The following POM121L2 variants were observed in gnomAD, a reference collection of about 807,000 sequenced individuals.
POM121L2 encodes the protein POM121 transmembrane nucleoporin like 2, also known as POM121-like protein 2.
For synonymous variants in POM121L2, 459 were observed against 483.8 expected, an observed-to-expected ratio of 0.95 and a Z score of 0.67; for missense variants, 1,167 against 1,260.3, an observed-to-expected ratio of 0.93 and a Z score of 1.12.
rs542468240 is a variant in POM121L2 at position 27,310,199 on chromosome 6, C to A, written c.1972G>T (p.Val658Phe). ...AGGAAAGTGTCGCAAGTGGAAGGGA[C>A]AGAATAAGTGTTGCCTACGGCACTG... ...VTSAVGNTYSVPSTCDTFLLG... is the reference protein window; with the variant it reads ...VTSAVGNTYSFPSTCDTFLLG... The change falls in exon 1 of 1, where the codon GTC becomes TTC. Residue 658 changes from valine to phenylalanine, a missense_variant. Physicochemically the swap from Val to Phe is conservative, Grantham distance 50. Transcript: ENST00000444565. 3 of 1,552,228 alleles carry A rather than the reference C, an allele frequency of 1.9e-6. No homozygotes were observed. Among genetic ancestry groups the A allele is most frequent in the East Asian group, 2.4e-5 (1 of 40,914 alleles).
chr6:27,310,954 T>C lies in POM121L2; in HGVS notation c.1217A>G (p.Glu406Gly). ...AGACTTCTGCATTTTTCTTAAGTTT[T>C]CCAACTGAGGATTTGCTCCCTGGGT... is the stretch of plus-strand genomic sequence containing the variant. ...DLTQGANPQL[E>G]NLRKMQKSLG... The change falls in exon 1 of 1, where the codon GAA becomes GGA. Residue 406 changes from glutamate to glycine, a missense_variant. Transcript: ENST00000444565. The C allele has an allele frequency of 6.4e-7, 1 of 1,552,062 alleles. No homozygotes were observed.
chr6:27,311,300 T>C lies in POM121L2; in HGVS notation c.871A>G (p.Ser291Gly). The C allele has an allele frequency of 6.4e-7, 1 of 1,551,282 alleles. No individual in the cohort carries two copies. ...ACTGGAGAGGAAGGCCGATGACAAC[T>C]TTTTTCCTTTTTTATTGGCCACTCT... ...TPEWPIKKEK[S>G]CHRPSSPVPL... The change falls in exon 1 of 1, where the codon AGT becomes GGT. Residue 291 changes from serine to glycine, a missense_variant. Transcript: ENST00000444565.
Position 27,308,689 on chromosome 6 carries a change from A to C in POM121L2, c.*374T>G, listed in dbSNP as rs1760702307. Among the ~76,000 whole-genome samples, 2 of 152,358 alleles carry C rather than the reference A, an allele frequency of 1.3e-5. No homozygotes were observed. Among genetic ancestry groups the C allele is most frequent in the South Asian group, 4.1e-4 (2 of 4,834 alleles). On this transcript the variant is annotated 3_prime_UTR_variant, in exon 1 of 1. Coordinates refer to ENST00000444565, the MANE Select transcript of POM121L2 (RefSeq NM_033482.4). ...AGAGAACATGTTAGTGTTTACCAGC[A>C]GTAGGGATGGCAGGATGTACGAAAA...
Position 27,311,178 on chromosome 6 carries a change from C to T in POM121L2, c.993G>A (p.Leu331=), listed in dbSNP as rs781279320. 13 of 1,551,942 alleles carry T rather than the reference C, an allele frequency of 8.4e-6. No homozygotes were observed. The East Asian group carries it at 2.7e-4, about 32-fold the overall frequency. The change falls in exon 1 of 1, where the codon CTG becomes CTA. Residue 331 remains leucine (L), a synonymous_variant. Coordinates refer to ENST00000444565, the MANE Select transcript of POM121L2 (RefSeq NM_033482.4). ...GCTGGGGAGGTGGGATCTCTGACAC[C>T]AGGTTCTCAGGGCTAGACGGCAGCT... ...IPQLPSSPEN[L]VSEIPPPQLG...
Position 27,309,783 on chromosome 6 carries a change from A to G in POM121L2, c.2388T>C (p.Ser796=), listed in dbSNP as rs1322091160. 1.3e-6 allele frequency: 2 copies of G among 1,551,566 alleles called. No homozygotes were observed. The highest frequency in any genetic ancestry group is 2.4e-5 in the South Asian group (2 of 84,060). Residue 796 remains serine (S), a synonymous_variant, in exon 1 of 1, where the codon AGT becomes AGC. Coordinates refer to ENST00000444565, the MANE Select transcript of POM121L2 (RefSeq NM_033482.4). The stretch of plus-strand genomic sequence containing the variant: ...CTGAGCTCCCAAAAAGAAAAGAACT[A>G]CTGACACTTGGCATAAGGGCTGGCT... ...PSQPALMPSV[S]SSFLFGSSAV... is the part of the protein sequence containing the mutation.
chr6:27,311,855 A>G lies in POM121L2; in HGVS notation c.316T>C (p.Trp106Arg). 6.4e-7 allele frequency: 1 copy of G among 1,551,772 alleles called. No individual in the cohort carries two copies. The highest frequency in any genetic ancestry group is 8.7e-7 in the Non-Finnish European group (1 of 1,147,012). ...ATTGGCCTGGGATGTCGAAGAGACC[A>G]AATAGTCCGCTTTAAGTAACTTTCC... The part of the protein sequence containing the change: ...WWESYLKRTI[W>R]SLRHPRPIWS... The change falls in exon 1 of 1, where the codon TGG (tryptophan) becomes CGG (arginine). Residue 106 changes from tryptophan to arginine, a missense_variant. Physicochemically the swap from Trp to Arg is moderately radical, Grantham distance 101. Coordinates refer to ENST00000444565, the MANE Select transcript of POM121L2 (RefSeq NM_033482.4).
rs147444509 is a variant in POM121L2, at chr6:27,310,940, T to G, written c.1231A>C (p.Met411Leu). ...ANPQLENLRK[M>L]QKSLGPLASP... ...GCCAGTGGACCTAGAGACTTCTGCA[T>G]TTTTCTTAAGTTTTCCAACTGAGGA... Residue 411 changes from methionine to leucine, a missense_variant, in exon 1 of 1, where the codon ATG becomes CTG. Physicochemically the swap from Met to Leu is conservative, Grantham distance 15. Transcript: ENST00000444565. The G allele has an allele frequency of 1.3e-6, 2 of 1,551,988 alleles. No individual in the cohort carries two copies. The highest frequency in any genetic ancestry group is 2.7e-5 in the African/African-American group (2 of 73,150).
Position 27,309,182 on chromosome 6 carries a change from A to G in POM121L2, c.2989T>C (p.Ser997Pro). 1 of 1,551,756 alleles carries G rather than the reference A, an allele frequency of 6.4e-7. No homozygotes were observed. The highest frequency in any genetic ancestry group is 1.2e-5 in the South Asian group (1 of 84,062). Residue 997 changes from serine (S) to proline (P), a missense_variant, in exon 1 of 1, where the codon TCT (serine) becomes CCT (proline). Coordinates refer to ENST00000444565, the MANE Select transcript of POM121L2 (RefSeq NM_033482.4). ...GATCTAAAAGGTCCTCTCCCAACAG[A>G]GCCCTGGGCAGGTGGAAAAGGCATC... ...FGMPFPPAQG[S>P]VGRGPFRSSA...
Position 27,312,185 on chromosome 6 carries a change from C to T in POM121L2, c.-15G>A. 2 of 1,419,428 alleles carry T rather than the reference C, an allele frequency of 1.4e-6. No individual in the cohort carries two copies. Among genetic ancestry groups the T allele is most frequent in the Admixed American group, 5.7e-5 (2 of 34,874 alleles). 87.9% of individuals were successfully genotyped at this position (1,419,428 alleles called of 1,614,324 possible). On this transcript the variant is annotated 5_prime_UTR_variant, in exon 1 of 1. Transcript: ENST00000444565. This position sits in a 1 kb window ranked among gnomAD's most constrained non-coding sequence, Gnocchi z 6.7. ...AAACTGCCCATGAGGAGAGATGAGG[C>T]GCGGGCAGTGAGTTCAAGCACGGTT... is the stretch of plus-strand genomic sequence containing the variant.
At position 27,310,047 on chromosome 6, in the gene POM121L2, A is replaced by G. The variant is rs757583483; in HGVS notation, c.2124T>C (p.Ser708=). The G allele has an allele frequency of 9.7e-6, 15 of 1,552,154 alleles. No homozygotes were observed. The African/African-American group carries it at 1.9e-4, about 20-fold the overall frequency. Reference sequence around the variant, plus strand: ...TGCTTCTAGGGGATATCTGTACAACACTGGAAAGGACCTGGGTAAACATGG... The same window carrying G: ...TGCTTCTAGGGGATATCTGTACAACGCTGGAAAGGACCTGGGTAAACATGG... ...TVTMFTQVLS[S]VVQISPRSST... is the part of the protein sequence containing the mutation. Residue 708 remains serine, a synonymous_variant, in exon 1 of 1, where the codon AGT becomes AGC. Coordinates refer to ENST00000444565, the MANE Select transcript of POM121L2 (RefSeq NM_033482.4).
rs1274553691 is a variant in POM121L2 at position 27,308,822 on chromosome 6, G to A, written c.*241C>T. Among the ~76,000 whole-genome samples, 2 of 152,178 alleles carry A rather than the reference G, an allele frequency of 1.3e-5. No individual in the cohort carries two copies. The highest frequency in any genetic ancestry group is 2.9e-5 in the Non-Finnish European group (2 of 68,032). On this transcript the variant is annotated 3_prime_UTR_variant, in exon 1 of 1. Transcript: ENST00000444565. ...CACAGAGAAGAGTGGACAGGAAGGGGAAGGCGAGGTTCTGTTCAAGTCCAA... is the reference window on the plus strand; with the variant it reads ...CACAGAGAAGAGTGGACAGGAAGGGAAAGGCGAGGTTCTGTTCAAGTCCAA...
In POM121L2 at chr6:27,311,224, T is replaced by C; in HGVS notation, c.947A>G (p.Gln316Arg). Residue 316 changes from glutamine to arginine, a missense_variant, in exon 1 of 1, where the codon CAG (glutamine) becomes CGG (arginine). By Grantham distance (43) the Gln-to-Arg change is conservative (BLOSUM62 1). Transcript: ENST00000444565. ...ESLGGSESSG[Q>R]QNQKIPQLPS... ...CAGCTGTGGAATCTTCTGGTTTTGCTGCCCAGAACTTTCAGATCCTCCTAG... is the reference window on the plus strand; with the variant it reads ...CAGCTGTGGAATCTTCTGGTTTTGCCGCCCAGAACTTTCAGATCCTCCTAG... 1 of 1,551,928 alleles carries C rather than the reference T, an allele frequency of 6.4e-7. No homozygotes were observed. Among genetic ancestry groups the C allele is most frequent in the Non-Finnish European group, 8.7e-7 (1 of 1,147,060 alleles).
chr6:27,309,386 T>C lies in POM121L2; in HGVS notation c.2785A>G (p.Thr929Ala). 1 of 1,551,650 alleles carries C rather than the reference T, an allele frequency of 6.4e-7. No individual in the cohort carries two copies. Among genetic ancestry groups the C allele is most frequent in the Non-Finnish European group, 8.7e-7 (1 of 1,146,950 alleles). ...TTTCCAAAGGGGATCATGGTGTTAG[T>C]GGTCCCACTAGGCAATGCTCCAATG... ...FSIGALPSGT[T>A]NTMIPFGKGW... Residue 929 changes from threonine (T) to alanine (A), a missense_variant, in exon 1 of 1, where the codon ACT becomes GCT. Physicochemically the swap from Thr to Ala is moderately conservative, Grantham distance 58. Transcript: ENST00000444565.
Position 27,309,700 on chromosome 6 carries a change from G to A in POM121L2, c.2471C>T (p.Thr824Ile), listed in dbSNP as rs1476330511. The change falls in exon 1 of 1, where the codon ACA (threonine) becomes ATA (isoleucine). Residue 824 changes from threonine (T) to isoleucine (I), a missense_variant. Coordinates refer to ENST00000444565, the MANE Select transcript of POM121L2 (RefSeq NM_033482.4). ...TPAQPAFIST[T>I]QSALGCLTPS... ...TGTCAAACACCCCAAGGCTGACTGT[G>A]TGGTACTAATGAAGGCTGGCTGAGC... 2 of 1,551,656 alleles carry A rather than the reference G, an allele frequency of 1.3e-6. No individual in the cohort carries two copies. The highest frequency in any genetic ancestry group is 8.7e-7 in the Non-Finnish European group (1 of 1,147,022).
Position 27,308,995 on chromosome 6 carries a change from A to G in POM121L2, c.*68T>C. 1 of 1,204,990 alleles carries G rather than the reference A, an allele frequency of 8.3e-7. No homozygotes were observed. The highest frequency in any genetic ancestry group is 1.1e-6 in the Non-Finnish European group (1 of 872,924). 74.6% of individuals were successfully genotyped at this position (1,204,990 alleles called of 1,614,324 possible). A position where few individuals can be genotyped will look rare whatever the true frequency, so the allele number is the denominator to read the frequency against. On this transcript the variant is annotated 3_prime_UTR_variant, in exon 1 of 1. Transcript: ENST00000444565. ...GAGTATGTTTACTTTAGAAAATTGG[A>G]AGACACTGAGGTTTTTCAAAAACAA...
Position 27,309,900 on chromosome 6 carries a change from T to A in POM121L2, c.2271A>T (p.Gly757=). 9.0e-6 allele frequency: 14 copies of A among 1,551,652 alleles called. No individual in the cohort carries two copies. The highest frequency in any genetic ancestry group is 1.2e-5 in the Non-Finnish European group (14 of 1,146,978). The change falls in exon 1 of 1, where the codon GGA becomes GGT. Residue 757 remains glycine (G), a synonymous_variant. Transcript: ENST00000444565. The part of the protein sequence containing the change: ...NLTPAITSPL[G]SSSRPPFPLS... The stretch of plus-strand genomic sequence containing the variant: ...GTGGGAAAGGTGGCCTTGAGCTTGA[T>A]CCCAAGGGACTTGTGATTGCTGGAG...
In POM121L2 at chr6:27,311,127, G is replaced by T. The variant is rs751147837; in HGVS notation, c.1044C>A (p.Asn348Lys). The T allele has an allele frequency of 6.4e-7, 1 of 1,551,870 alleles. No homozygotes were observed. Among genetic ancestry groups the T allele is most frequent in the South Asian group, 1.2e-5 (1 of 84,058 alleles). ...GCTCAGCTTTCTTCCCCAAAGTCAA[G>T]TTCTCATCAGAGACTGCATAACCAA... ...PQLGYAVSDE[N>K]LTLGKKAELQ... Residue 348 changes from asparagine to lysine, a missense_variant, in exon 1 of 1, where the codon AAC becomes AAA. Transcript: ENST00000444565.
Position 27,309,222 on chromosome 6 carries a change from G to A in POM121L2, c.2949C>T (p.Ser983=). The A allele has an allele frequency of 6.4e-7, 1 of 1,551,838 alleles. No homozygotes were observed. The highest frequency in any genetic ancestry group is 8.7e-7 in the Non-Finnish European group (1 of 1,147,026). Residue 983 remains serine, a synonymous_variant, in exon 1 of 1, where the codon AGC becomes AGT. Coordinates refer to ENST00000444565, the MANE Select transcript of POM121L2 (RefSeq NM_033482.4). ...GAAAAGGCATCCCAAAGCCAACACT[G>A]CTGCCTGCCTTAGCTTGTCCAGGGA... ...TPVPGQAKAG[S]SVGFGMPFPP... is the part of the protein sequence containing the mutation.
Position 27,311,062 on chromosome 6 carries a change from A to G in POM121L2, c.1109T>C (p.Val370Ala), listed in dbSNP as rs1174529156. 6.4e-7 allele frequency: 1 copy of G among 1,551,854 alleles called. No homozygotes were observed. The highest frequency in any genetic ancestry group is 2.4e-5 in the East Asian group (1 of 40,924). ...AGTCTCAGGGAAAGGGTCTGTGTTG[A>G]CCTCAGTTGTATCTTCTCCTGCGTT... is the stretch of plus-strand genomic sequence containing the variant. ...SNNAGEDTTE[V>A]NTDPFPETWL... The change falls in exon 1 of 1, where the codon GTC becomes GCC. Residue 370 changes from valine to alanine, a missense_variant. Physicochemically the swap from Val to Ala is moderately conservative, Grantham distance 64 (BLOSUM62 0). Coordinates refer to ENST00000444565, the MANE Select transcript of POM121L2 (RefSeq NM_033482.4).
Sources: allele counts gnomAD v4.1 joint callset (sites outside exome capture counted in the v4.1 genomes callset), GRCh38; gene constraint gnomAD v4.1.1; non-coding constraint Gnocchi (gnomAD v3.1); transcripts MANE v1.5; gene names NCBI Gene and HGNC (gene_info 2026-07-23, HGNC 2026-07-21).